Variants in SLC1A7 observed in about 807,000 individuals in gnomAD.
SLC1A7 encodes the protein solute carrier family 1 member 7.
Under a neutral mutation model 47.7 loss-of-function variants are expected in SLC1A7, and 40 were observed. That is an observed-to-expected ratio of 0.84 (90% CI 0.65 to 1.09). SLC1A7 has a LOEUF of 1.09. Ranked by LOEUF, SLC1A7 falls within the 50% of genes least tolerant of loss-of-function variation. SLC1A7 has a pLI of 0.00. For synonymous variants in SLC1A7, 323 were observed against 325.6 expected (o/e 0.99, Z 0.09); for missense variants, 746 against 769.5 (o/e 0.97, Z 0.36).
At position 53,088,039 on chromosome 1, in the gene SLC1A7, G is replaced by T; in HGVS notation, c.1653C>A (p.Ile551=). 1.9e-6 allele frequency: 3 copies of T among 1,563,322 alleles called. No individual in the cohort carries two copies. Among genetic ancestry groups the T allele is most frequent in the Non-Finnish European group, 2.6e-6 (3 of 1,149,198 alleles). Residue 551 remains isoleucine (I), a synonymous_variant, in exon 11 of 11, where the codon ATC becomes ATA. Transcript: ENST00000371494. ...CATTGGTCTCCAGCTCACTGATCTGGATGGTGCAGTGGTTCAGACTCGCAG... is the reference window on the plus strand; with the variant it reads ...CATTGGTCTCCAGCTCACTGATCTGTATGGTGCAGTGGTTCAGACTCGCAG... ...LPAASLNHCT[I]QISELETNV
intron 1 of SLC1A7, among the ~76,000 whole-genome samples, chr1:53,140,726 T>C (rs1176733444): frequency 6.6e-6 from 1 of 152,134 alleles, no homozygotes; most frequent in East Asian, 1.9e-4. Context: ...ATAATAATTC[T>C]AGTAGACATA....
chr1:53,125,343 A>G (rs574057272), intron 2 of SLC1A7, among the ~76,000 whole-genome samples: 34 of 152,370 alleles, frequency 2.2e-4, no homozygotes, highest in Non-Finnish European at 4.4e-4. Flanking sequence ...ATGAGAAGGC[A>G]GCACTGTCAG....
chr1:53,137,295 A>AAAAAAAAAAAAAAAAAAAAAAAAAC (rs1645011781), intron 1 of SLC1A7, among the ~76,000 whole-genome samples: 1 of 150,764 alleles, frequency 6.6e-6, no homozygotes, highest in Admixed American at 6.7e-5. Flanking sequence ...TCCAAAAAAA[A>AAAAAAAAAAAAAAAAAAAAAAAAAC]AAAAGTGCTC....
chr1:53,091,098 C>T (rs944479477), intron 7 of SLC1A7: 8 of 778,666 alleles, frequency 1.0e-5, no homozygotes, highest in Non-Finnish European at 1.6e-5. Context: ...AGCAGCAGGG[C>T]CCTGGGCCAG....
intron 5 of SLC1A7, among the ~76,000 whole-genome samples, chr1:53,100,046 C>T (rs960815946): frequency 6.6e-6 from 1 of 151,242 alleles, no homozygotes; most frequent in Non-Finnish European, 1.5e-5. Flanking sequence ...CCTTGGTACA[C>T]ACACACCTTG....
intron 2 of SLC1A7, chr1:53,116,092 A>ACGCTC (rs1227185604): frequency 6.6e-6 from 1 of 152,210 alleles, no homozygotes; most frequent in Non-Finnish European, 1.5e-5. Context: ...ATCCCCAGCC[A>ACGCTC]CGCTCCTCTT....
At chr1:53,126,536 A>C (rs980617091) in intron 2 of SLC1A7, among the ~76,000 whole-genome samples, 3 of 152,252 alleles carry the variant, frequency 2.0e-5, no homozygotes, top group African/African-American at 7.2e-5. Flanking sequence ...GGTTCCCTGC[A>C]TGGTAAGCCC....
chr1:53,090,508 G>T, intron 8 of SLC1A7, 104 bp downstream of exon 8: 1 of 1,433,786 alleles, frequency 7.0e-7, no homozygotes, highest in Non-Finnish European at 9.1e-7. Context: ...TGTGCTCCGA[G>T]CCCAGGCTCG....
intron 2 of SLC1A7, among the ~76,000 whole-genome samples, chr1:53,122,646 T>C (rs1306032551): frequency 1.3e-5 from 2 of 152,002 alleles, no homozygotes; most frequent in Non-Finnish European, 2.9e-5. Flanking sequence ...AGACTCCCAC[T>C]CAGCTAAAGT....
intron 3 of SLC1A7, among the ~76,000 whole-genome samples, chr1:53,107,026 C>T (rs2150327615): frequency 6.6e-6 from 1 of 151,476 alleles, no homozygotes; most frequent in East Asian, 2.0e-4. Flanking sequence ...TGTGGTGGTG[C>T]TCGCCTGTAG....
In SLC1A7 at chr1:53,126,866, AT is replaced by A. The variant is rs148031748; in HGVS notation, c.215+7483del. Among the ~76,000 whole-genome samples, 391 of 151,168 alleles carry A rather than the reference AT, an allele frequency of 2.6e-3. 3 individuals are homozygous for A. Among genetic ancestry groups the A allele is most frequent in the African/African-American group, 8.2e-3 (338 of 41,178 alleles). On this transcript the variant is annotated intron_variant, in intron 2 of 10. Transcript: ENST00000371494. The stretch of plus-strand genomic sequence containing the variant: ...AAAATGTTTGTAATTTGCTTATCTA[AT>A]TTTTTTTTTTTATGAGATAAGGTCT...
chr1:53,126,412 A>C (rs1216311775), intron 2 of SLC1A7, among the ~76,000 whole-genome samples: 1 of 152,160 alleles, frequency 6.6e-6, no homozygotes, highest in Non-Finnish European at 1.5e-5. Flanking sequence ...ACTCCACTAT[A>C]AGGCGGGGGT....
chr1:53,129,931 C>CCA (rs1644925781), intron 2 of SLC1A7, among the ~76,000 whole-genome samples: 3 of 94,730 alleles, frequency 3.2e-5, no homozygotes, highest in African/African-American at 1.2e-4. Flanking sequence ...ACGGAGGGGG[C>CCA]CATGCCGCTG....
intron 3 of SLC1A7, among the ~76,000 whole-genome samples, chr1:53,106,446 T>C (rs940000487): frequency 2.6e-5 from 4 of 151,170 alleles, no homozygotes; most frequent in African/African-American, 9.7e-5. Flanking sequence ...CTACTAAAAA[T>C]ACAAAAAATT....
intron 2 of SLC1A7, among the ~76,000 whole-genome samples, chr1:53,128,725 G>T (rs768771): frequency 0.19 from 27,547 of 141,454 alleles, 6,481 homozygotes; most frequent in Middle Eastern, 0.29. Flanking sequence ...GCTTTCCAGG[G>T]CAGGGGACAG....
intron 2 of SLC1A7, among the ~76,000 whole-genome samples, chr1:53,129,563 TAGAAAAAAAAGAGCCCACAGC>T (rs1553164875): frequency 1.8e-4 from 25 of 139,224 alleles, no homozygotes; most frequent in South Asian, 6.8e-4. Context: ...GGAGAAATTC[TAGAAAAAAAAGAGCCCACAGC>T]TGGAAGATGC....
chr1:53,103,277 G>A, intron 5 of SLC1A7, 69 bp downstream of exon 5: 1 of 1,165,588 alleles, frequency 8.6e-7, no homozygotes, highest in Non-Finnish European at 1.2e-6. Flanking sequence ...AAGAGGTGGA[G>A]GAGCAGGCTG....
intron 3 of SLC1A7, among the ~76,000 whole-genome samples, chr1:53,107,029 G>A (rs1012410457): frequency 6.6e-6 from 1 of 151,920 alleles, no homozygotes; most frequent in African/African-American, 2.4e-5. Flanking sequence ...GGTGGTGCTC[G>A]CCTGTAGTCC....
chr1:53,113,554 G>T (rs982990940), intron 3 of SLC1A7, among the ~76,000 whole-genome samples: 10 of 152,032 alleles, frequency 6.6e-5, no homozygotes, highest in Admixed American at 2.0e-4. Context: ...TCCTGCTAAG[G>T]ATCCCTCCTG....
Sources: gnomAD v4.1 joint callset for allele counts (sites outside exome capture counted in the v4.1 genomes callset) on GRCh38, gnomAD v4.1.1 for gene constraint, MANE v1.5 for transcripts, NCBI Gene and HGNC (gene_info 2026-07-23, HGNC 2026-07-21) for gene names.